BCKDHB: variants seen among roughly 807,000 people sequenced by gnomAD.
BCKDHB encodes branched chain keto acid dehydrogenase E1 subunit beta, also known as 2-oxoisovalerate dehydrogenase subunit beta, mitochondrial.
BCKDHB carries 41 observed loss-of-function variants against 48.5 expected under a neutral mutation model. That is an observed-to-expected ratio of 0.85 (90% CI 0.66 to 1.10). The LOEUF is 1.10. BCKDHB is among the 50% of genes least tolerant of loss of function. The probability of loss-of-function intolerance (pLI) is 0.00; values close to 1 mark genes in which losing one functional copy is unlikely to be tolerated. For missense variants in BCKDHB, 496 were observed against 494.2 expected (o/e 1.00, Z -0.03); for synonymous variants, 201 against 174.8 (o/e 1.15, Z -1.18).
chr6:80,343,352 C>A (rs1288757083), intron 9 of BCKDHB, among the ~76,000 whole-genome samples: 2 of 152,090 alleles, frequency 1.3e-5, no homozygotes, highest in Non-Finnish European at 2.9e-5. Flanking sequence ...CTACTGTGAA[C>A]ATTTGTTGCA....
At chr6:80,134,421 GGA>G (rs751707063) in intron 3 of BCKDHB, among the ~76,000 whole-genome samples, 9 of 152,134 alleles carry the variant, frequency 5.9e-5, no homozygotes, top group Non-Finnish European at 8.8e-5. Context: ...TGGAAAACTA[GGA>G]CAGGCATGCG....
the BCKDHB span, among the ~76,000 whole-genome samples, chr6:80,421,226 C>T: frequency 4.6e-5 from 7 of 152,154 alleles, no homozygotes. Flanking sequence ...TCTCTCTCCC[C>T]TTCTGCCTTG....
the BCKDHB span, among the ~76,000 whole-genome samples, chr6:80,423,333 A>G: frequency 6.6e-6 from 1 of 152,300 alleles, no homozygotes; most frequent in Non-Finnish European, 1.5e-5. Flanking sequence ...ACCCAGTCTC[A>G]GGTAGTATTT....
At chr6:80,203,378 G>A (rs1302235088) in intron 8 of BCKDHB, among the ~76,000 whole-genome samples, 166 bp downstream of exon 8, 1 of 152,108 alleles carries the variant, frequency 6.6e-6, no homozygotes, top group Non-Finnish European at 1.5e-5. Flanking sequence ...ACAGCTTCAT[G>A]CTCAAGGAAA....
chr6:80,296,845 C>G (rs1467591857), intron 9 of BCKDHB, among the ~76,000 whole-genome samples: 2 of 152,164 alleles, frequency 1.3e-5, no homozygotes, highest in East Asian at 3.9e-4. Flanking sequence ...TTTTATCTAA[C>G]TTAAAACAAT....
intron 6 of BCKDHB, among the ~76,000 whole-genome samples, chr6:80,185,843 C>A (rs531943697): frequency 6.6e-6 from 1 of 152,272 alleles, no homozygotes; most frequent in East Asian, 1.9e-4. Flanking sequence ...GTTAAGTGTA[C>A]TCTATGATAG....
At chr6:80,444,911 T>C in the BCKDHB span, among the ~76,000 whole-genome samples, 1 of 152,222 alleles carries the variant, frequency 6.6e-6, no homozygotes, top group African/African-American at 2.4e-5. Context: ...TGAACAATTA[T>C]TAACACTACC....
intron 8 of BCKDHB, among the ~76,000 whole-genome samples, chr6:80,248,720 G>C (rs9448915): frequency 1.3e-5 from 2 of 152,094 alleles, no homozygotes; most frequent in African/African-American, 4.8e-5. Flanking sequence ...GGCTGGTGTG[G>C]TACCTTAGAG....
chr6:80,303,175 A>G (rs2127992091), intron 9 of BCKDHB, among the ~76,000 whole-genome samples: 1 of 152,136 alleles, frequency 6.6e-6, no homozygotes, highest in Middle Eastern at 3.4e-3. Context: ...TTATTTTTTA[A>G]TTTAGCATTA....
At chr6:80,247,349 C>T (rs1776658838) in intron 8 of BCKDHB, among the ~76,000 whole-genome samples, 1 of 152,178 alleles carries the variant, frequency 6.6e-6, no homozygotes, top group Non-Finnish European at 1.5e-5. Flanking sequence ...AAATATTATC[C>T]TGTTAAATCT....
intron 9 of BCKDHB, among the ~76,000 whole-genome samples, chr6:80,289,143 G>C (rs1242500569): frequency 1.3e-5 from 2 of 152,146 alleles, no homozygotes; most frequent in Non-Finnish European, 2.9e-5. Context: ...TTTTTGTGAG[G>C]AAAGAGTAGT....
rs1184456001 is a variant in BCKDHB at position 80,191,209 on chromosome 6, G to C, written c.743-9725G>C. The stretch of plus-strand genomic sequence containing the variant: ...GTGCTCATCAATAAAATCAACAGTT[G>C]TCATTTAATGTTAGATATGCAATAA... On this transcript the variant is annotated intron_variant, in intron 6 of 9. Coordinates refer to ENST00000320393, the MANE Select transcript of BCKDHB (RefSeq NM_183050.4). Among the ~76,000 whole-genome samples, 5 of 152,110 alleles carry C rather than the reference G, an allele frequency of 3.3e-5. No homozygotes were observed. In the East Asian group the frequency reaches 9.6e-4, roughly 29 times the overall value.
At chr6:80,352,633 T>A in the BCKDHB span, among the ~76,000 whole-genome samples, 1 of 152,188 alleles carries the variant, frequency 6.6e-6, no homozygotes, top group Non-Finnish European at 1.5e-5. Flanking sequence ...AAGAGGAAAA[T>A]CTACATGTTT....
Position 80,127,536 on chromosome 6 carries a change from G to A in BCKDHB, c.197-11G>A, listed in dbSNP as rs9448894. ...CAACACACGAAATGATTTTTTTTTT[G>A]ATTTTCACAGGGCAAACTCAGAAAA... On this transcript the variant is annotated splice_polypyrimidine_tract_variant and intron_variant, in intron 1 of 9. Transcript: ENST00000320393. 2.6e-6 allele frequency: 4 copies of A among 1,564,022 alleles called. No individual in the cohort carries two copies. The highest frequency in any genetic ancestry group is 3.5e-6 in the Non-Finnish European group (4 of 1,145,508).
At chr6:80,238,071 A>AGAGT (rs1161674657) in intron 8 of BCKDHB, among the ~76,000 whole-genome samples, 1 of 152,060 alleles carries the variant, frequency 6.6e-6, no homozygotes, top group Non-Finnish European at 1.5e-5. Context: ...TTCCTTCCAA[A>AGAGT]GAGTATTGAG....
the BCKDHB span, among the ~76,000 whole-genome samples, chr6:80,392,554 A>T: frequency 6.6e-6 from 1 of 151,476 alleles, no homozygotes; most frequent in African/African-American, 2.4e-5. Context: ...TATGCTCCTT[A>T]TTGTTCTTAA....
chr6:80,295,484 A>G (rs992761562), intron 9 of BCKDHB, among the ~76,000 whole-genome samples: 5 of 152,112 alleles, frequency 3.3e-5, no homozygotes, highest in African/African-American at 1.2e-4. Flanking sequence ...CCCATGATTC[A>G]CTTACCTCCC....
intron 9 of BCKDHB, among the ~76,000 whole-genome samples, chr6:80,283,197 T>C (rs560808150): frequency 2.0e-5 from 3 of 152,214 alleles, no homozygotes; most frequent in South Asian, 4.1e-4. Flanking sequence ...AATTTTTCTG[T>C]ATTAATCAGT....
chr6:80,254,971 C>T (rs1460687971), intron 8 of BCKDHB, among the ~76,000 whole-genome samples: 3 of 152,192 alleles, frequency 2.0e-5, no homozygotes, highest in Non-Finnish European at 4.4e-5. Flanking sequence ...ATCATTCCCC[C>T]TCAAATTCCC....
Sources: allele counts gnomAD v4.1 joint callset (sites outside exome capture counted in the v4.1 genomes callset), GRCh38; gene constraint gnomAD v4.1.1; transcripts MANE v1.5; gene names NCBI Gene and HGNC (gene_info 2026-07-23, HGNC 2026-07-21).